The following MOK variants were observed in gnomAD, a reference collection of about 807,000 sequenced individuals.
MOK encodes MOK protein kinase, also known as MAPK/MAK/MRK overlapping kinase.
Under a neutral mutation model 54.2 loss-of-function variants are expected in MOK, and 59 were observed. The ratio of observed to expected loss-of-function variants is 1.09; its 90% CI spans 0.88 to 1.35. The LOEUF (loss-of-function observed/expected upper bound fraction) is 1.35. Among genes scored for constraint, MOK ranks in the 40% most tolerant of loss-of-function variants. The pLI, the probability that MOK is intolerant of heterozygous loss-of-function variation, is 0.00. For synonymous variants in MOK, 210 were observed against 202.7 expected, an observed-to-expected ratio of 1.04 and a Z score of -0.31; for missense variants, 517 against 526.2, an observed-to-expected ratio of 0.98 and a Z score of 0.17.
At position 102,249,861 on chromosome 14, in the gene MOK, T is replaced by G. The variant is rs567374048; in HGVS notation, c.590+951A>C. 2.0e-5 allele frequency among the ~76,000 whole-genome samples: 3 copies of G among 152,056 alleles called. No individual in the cohort carries two copies. In the South Asian group the frequency reaches 6.2e-4, roughly 32 times the overall value. On this transcript the variant is annotated intron_variant, in intron 7 of 11. Coordinates refer to ENST00000361847, the MANE Select transcript of MOK (RefSeq NM_014226.3). The surrounding 1 kb of genome is among the most constrained non-coding windows in gnomAD (Gnocchi z 5.3). ...TGTGACTAAAGGAGAGAGGAGGAAA[T>G]GCGGGTGAGCAGGAAACAGCTCCAA...
downstream of MOK, among the ~76,000 whole-genome samples, chr14:102,220,795 CAG>C (rs1213513742): frequency 1.3e-5 from 2 of 151,506 alleles, no homozygotes; most frequent in Non-Finnish European, 2.9e-5. The surrounding 1 kb of genome is among the most constrained non-coding windows in gnomAD (Gnocchi z 4.2). Flanking sequence ...TTTTTTGAGA[CAG>C]GGTCTTGCTC....
intron 7 of MOK, among the ~76,000 whole-genome samples, chr14:102,241,867 G>A (rs762720020): frequency 3.3e-5 from 5 of 152,210 alleles, no homozygotes; most frequent in Non-Finnish European, 5.9e-5. Flanking sequence ...GTGGCCAGGC[G>A]TTCCTCCAGA....
At chr14:102,224,037 A>ATTTTT (rs533802492), downstream of MOK, among the ~76,000 whole-genome samples, 86 of 123,128 alleles carry the variant, frequency 7.0e-4, no homozygotes, top group African/African-American at 2.3e-3. Context: ...TTTACCTGAG[A>ATTTTT]TTTTTTTTTT....
chr14:102,227,055 C>T (rs944013154), downstream of MOK, among the ~76,000 whole-genome samples: 1 of 152,102 alleles, frequency 6.6e-6, no homozygotes, highest in Non-Finnish European at 1.5e-5. Flanking sequence ...AGCCCCGCTG[C>T]CCCCACCACG....
intron 1 of MOK, among the ~76,000 whole-genome samples, chr14:102,294,445 C>CAA (rs540805039): frequency 1.6e-4 from 10 of 63,990 alleles, no homozygotes; most frequent in Admixed American, 1.9e-4. Context: ...GACTCCGTCT[C>CAA]AAAAAAAAAA....
chr14:102,301,803 A>G (rs1252324902), intron 1 of MOK, among the ~76,000 whole-genome samples: 1 of 152,264 alleles, frequency 6.6e-6, no homozygotes, highest in Non-Finnish European at 1.5e-5. Context: ...TACCAAAATG[A>G]CCATCTAAAA....
At chr14:102,237,382 C>T (rs996745179) in intron 7 of MOK, among the ~76,000 whole-genome samples, 13 of 152,158 alleles carry the variant, frequency 8.5e-5, no homozygotes, top group Non-Finnish European at 1.5e-5. Flanking sequence ...CCTAGGAGTT[C>T]AACTTTCCCC....
intron 2 of MOK, among the ~76,000 whole-genome samples, chr14:102,282,288 T>C (rs547507110): frequency 6.8e-4 from 103 of 152,254 alleles, no homozygotes; most frequent in African/African-American, 2.4e-3. Context: ...CTGGGTGTAG[T>C]GGCTCAGGCT....
rs377464245 is a variant in MOK, at chr14:102,304,703, C to G, written c.7+259G>C. 5.3e-5 allele frequency among the ~76,000 whole-genome samples: 8 copies of G among 152,338 alleles called. No individual in the cohort carries two copies. In the East Asian group the frequency reaches 9.6e-4, roughly 18 times the overall value. ...GCACCTGCACCAAAATATGCCTGAG[C>G]GGGAACTCGAGTCGGCTCTCCGAGA... On this transcript the variant is annotated intron_variant, in intron 1 of 11. Coordinates refer to ENST00000361847, the MANE Select transcript of MOK (RefSeq NM_014226.3).
Position 102,236,048 on chromosome 14 carries a change from C to T in MOK, c.591-2259G>A, listed in dbSNP as rs2065192558. On this transcript the variant is annotated intron_variant, in intron 7 of 11. Transcript: ENST00000361847. The surrounding 1 kb of genome is among the most constrained non-coding windows in gnomAD (Gnocchi z 4.5). ...GCCACTGGGCATGGGTGTATCCTAA[C>T]CCTTGAGTGCCAAAGAGTCCTTGTC... is the stretch of plus-strand genomic sequence containing the variant. Among the ~76,000 whole-genome samples, 1 of 152,182 alleles carries T rather than the reference C, an allele frequency of 6.6e-6. No homozygotes were observed. Among genetic ancestry groups the T allele is most frequent in the Non-Finnish European group, 1.5e-5 (1 of 68,030 alleles).
At chr14:102,226,160 GCTGCTTA>G (rs1395993263), downstream of MOK, 4 of 596,618 alleles carry the variant, frequency 6.7e-6, no homozygotes, top group Non-Finnish European at 8.9e-6. The surrounding 1 kb of genome is among the most constrained non-coding windows in gnomAD (Gnocchi z 4.8). Context: ...GATGGAGATG[GCTGCTTA>G]CTGCTTCTCC....
intron 1 of MOK, among the ~76,000 whole-genome samples, chr14:102,292,421 C>A (rs556811107): frequency 1.8e-4 from 27 of 151,880 alleles, no homozygotes; most frequent in African/African-American, 2.4e-4. Flanking sequence ...TGCAGTGAGC[C>A]GAGATAGCAC....
At chr14:102,253,561 CAT>C (rs1597377782) in intron 4 of MOK, among the ~76,000 whole-genome samples, 1 of 152,238 alleles carries the variant, frequency 6.6e-6, no homozygotes, top group Non-Finnish European at 1.5e-5. Context: ...TCACAGTCCA[CAT>C]GTCTTCTTTC....
chr14:102,284,155 C>T (rs756334919), intron 1 of MOK, among the ~76,000 whole-genome samples: 6 of 152,002 alleles, frequency 3.9e-5, no homozygotes, highest in East Asian at 1.9e-4. Context: ...ATGTTAAATG[C>T]CTTCCTGCTT....
chr14:102,261,418 A>AAT (rs1197835093), intron 4 of MOK, among the ~76,000 whole-genome samples: 2,054 of 42,696 alleles, frequency 0.048, 65 homozygotes, highest in African/African-American at 0.073. Flanking sequence ...AAAAAAAAAA[A>AAT]ATATATATAT....
At chr14:102,223,086 G>A (rs1283699567), downstream of MOK, 17 of 503,226 alleles carry the variant, frequency 3.4e-5, no homozygotes, top group Non-Finnish European at 4.2e-5. Flanking sequence ...ATTTTAAACC[G>A]GTCTTTTGGG....
intron 7 of MOK, among the ~76,000 whole-genome samples, chr14:102,243,832 G>A (rs1027354399): frequency 3.3e-5 from 5 of 152,084 alleles, no homozygotes; most frequent in African/African-American, 1.2e-4. Flanking sequence ...GTTCCACCAG[G>A]CCTAATCACC....
the MOK span, among the ~76,000 whole-genome samples, chr14:102,215,582 G>A: frequency 1.3e-5 from 2 of 152,136 alleles, no homozygotes; most frequent in South Asian, 2.1e-4. Context: ...TTTAAGCCCC[G>A]CATGCATTAG....
In MOK at chr14:102,232,249, C is replaced by A; in HGVS notation, c.866+286G>T. The A allele has an allele frequency of 2.5e-6, 1 of 393,790 alleles. No homozygotes were observed. The highest frequency in any genetic ancestry group is 4.5e-6 in the Non-Finnish European group (1 of 222,026). The allele number at this position is 393,790 out of a possible 1,614,324, so 24.4% of individuals were successfully genotyped here. A position where few individuals can be genotyped will look rare whatever the true frequency, so the allele number is the denominator to read the frequency against. On this transcript the variant is annotated intron_variant, in intron 9 of 11. Coordinates refer to ENST00000361847, the MANE Select transcript of MOK (RefSeq NM_014226.3). This position sits in a 1 kb window ranked among gnomAD's most constrained non-coding sequence, Gnocchi z 5.1. The stretch of plus-strand genomic sequence containing the variant: ...CCATTTACAAGGGCCGCACACCAGG[C>A]TCTTCTAGAAGGATTACTACCTGTA...
Sources: allele counts gnomAD v4.1 joint callset (sites outside exome capture counted in the v4.1 genomes callset), GRCh38; gene constraint gnomAD v4.1.1; non-coding constraint Gnocchi (gnomAD v3.1); transcripts MANE v1.5; gene names NCBI Gene and HGNC (gene_info 2026-07-23, HGNC 2026-07-21).